Variants in DNM3 observed in about 807,000 individuals in gnomAD.
DNM3 encodes the protein dynamin-3.
DNM3 carries 47 observed loss-of-function variants against 101.6 expected under a neutral mutation model. That is an observed-to-expected ratio of 0.46 (90% confidence interval 0.37 to 0.59). DNM3 has a LOEUF of 0.59. DNM3 is among the 20% of genes least tolerant of loss of function. The pLI is 0.00. For missense variants in DNM3, 849 were observed against 1,085.7 expected, an observed-to-expected ratio of 0.78 and a Z score of 3.06; for synonymous variants, 385 against 387.9, an observed-to-expected ratio of 0.99 and a Z score of 0.09.
intron 12 of DNM3, among the ~76,000 whole-genome samples, chr1:172,090,380 C>T (rs578104938): frequency 6.6e-5 from 10 of 152,088 alleles, no homozygotes; most frequent in African/African-American, 9.7e-5. Context: ...CTACTCAAGA[C>T]GCTGTGTGCG....
intron 13 of DNM3, among the ~76,000 whole-genome samples, chr1:172,109,852 T>G (rs1178374758): frequency 6.6e-6 from 1 of 152,226 alleles, no homozygotes; most frequent in Admixed American, 6.5e-5. Context: ...AATTTTCAGT[T>G]AGCCATCATT....
At chr1:172,106,093 T>C (rs1013831421) in intron 13 of DNM3, among the ~76,000 whole-genome samples, 2 of 152,214 alleles carry the variant, frequency 1.3e-5, no homozygotes, top group Non-Finnish European at 2.9e-5. Context: ...TTTAGTCTTT[T>C]ACCATCAGTT....
chr1:171,877,184 C>T (rs904661838), intron 1 of DNM3, among the ~76,000 whole-genome samples: 2 of 152,080 alleles, frequency 1.3e-5, no homozygotes, highest in East Asian at 1.9e-4. Flanking sequence ...TAGCCATCCT[C>T]CCCTCCCTCA....
At chr1:172,376,906 T>A (rs929656640) in intron 17 of DNM3, among the ~76,000 whole-genome samples, 4 of 152,086 alleles carry the variant, frequency 2.6e-5, no homozygotes, top group African/African-American at 9.7e-5. Context: ...TCAGTGTCTT[T>A]TGCTTATTTT....
chr1:172,215,347 A>C (rs2060654677), intron 14 of DNM3, among the ~76,000 whole-genome samples: 1 of 152,106 alleles, frequency 6.6e-6, no homozygotes, highest in African/African-American at 2.4e-5. Context: ...TATAAGTAGT[A>C]TGTGCATATG....
intron 14 of DNM3, among the ~76,000 whole-genome samples, chr1:172,184,093 G>T (rs1355445220): frequency 6.6e-6 from 1 of 151,934 alleles, no homozygotes; most frequent in Non-Finnish European, 1.5e-5. Context: ...GTAGCGTGAG[G>T]ATCCCTATCC....
intron 14 of DNM3, among the ~76,000 whole-genome samples, chr1:172,238,904 G>T (rs2061641288): frequency 6.6e-6 from 1 of 151,952 alleles, no homozygotes; most frequent in African/African-American, 2.4e-5. Flanking sequence ...TAATGTGGAA[G>T]AACATTCTGC....
chr1:172,337,826 G>T (rs1187531449), intron 17 of DNM3, among the ~76,000 whole-genome samples: 1 of 149,062 alleles, frequency 6.7e-6, no homozygotes, highest in Non-Finnish European at 1.5e-5. Flanking sequence ...TGGGAATATG[G>T]CTTGGGAGTA....
chr1:172,020,920 T>G (rs1399706680), intron 4 of DNM3, among the ~76,000 whole-genome samples: 2 of 152,090 alleles, frequency 1.3e-5, no homozygotes, highest in Non-Finnish European at 2.9e-5. Flanking sequence ...GGATTACAGT[T>G]TAAGTTTTCC....
At chr1:171,863,615 A>C (rs1371591738) in intron 1 of DNM3, among the ~76,000 whole-genome samples, 1 of 152,150 alleles carries the variant, frequency 6.6e-6, no homozygotes, top group African/African-American at 2.4e-5. Flanking sequence ...CATGCTGTAG[A>C]GTTTCCTTCA....
intron 17 of DNM3, among the ~76,000 whole-genome samples, chr1:172,331,452 A>G (rs1252129098): frequency 6.6e-6 from 1 of 152,186 alleles, no homozygotes; most frequent in Non-Finnish European, 1.5e-5. Flanking sequence ...TAATGTTGAA[A>G]AAGCATGATG....
At chr1:172,181,375 T>TACACACAC (rs55756017) in intron 14 of DNM3, among the ~76,000 whole-genome samples, 6,598 of 147,634 alleles carry the variant, frequency 0.045, 200 homozygotes, top group East Asian at 0.1. Flanking sequence ...CACTTGAGTT[T>TACACACAC]ACACACACAC....
intron 17 of DNM3, among the ~76,000 whole-genome samples, chr1:172,334,462 A>G (rs1344446229): frequency 6.6e-6 from 1 of 152,200 alleles, no homozygotes; most frequent in African/African-American, 2.4e-5. Flanking sequence ...ACAAAGAATT[A>G]TCCCATCAAA....
Position 172,364,187 on chromosome 1 carries a change from T to C in DNM3, c.1894-14831T>C, listed in dbSNP as rs574918908. Among the ~76,000 whole-genome samples, 3 of 152,056 alleles carry C rather than the reference T, an allele frequency of 2.0e-5. No homozygotes were observed. The East Asian group carries it at 5.8e-4, about 30-fold the overall frequency. On this transcript the variant is annotated intron_variant, in intron 17 of 20. Transcript: ENST00000627582. ...AGTGCATGTCTCATCATATATTAAA[T>C]GTTTAATATATAGCCTGGGTTAGTT...
chr1:171,965,687 C>T (rs931914737), intron 2 of DNM3, among the ~76,000 whole-genome samples: 3 of 152,104 alleles, frequency 2.0e-5, no homozygotes, highest in African/African-American at 7.2e-5. Context: ...TGAGGCGTGT[C>T]CCCCTCCCAG....
chr1:172,386,805 A>T (rs1249816874), intron 18 of DNM3: 1 of 257,218 alleles, frequency 3.9e-6, no homozygotes, highest in Non-Finnish European at 7.6e-6. Context: ...CCTCTTCTAT[A>T]AGCCAAACAG....
chr1:172,219,713 T>C lies in DNM3; in HGVS notation c.1660-33860T>C, dbSNP rs531551428. Among the ~76,000 whole-genome samples, 124 of 152,128 alleles carry C rather than the reference T, an allele frequency of 8.2e-4. 1 individual carries two copies. Among genetic ancestry groups the C allele is most frequent in the Non-Finnish European group, 1.5e-3 (99 of 68,018 alleles). ...GGTGAAGATGTAGAAAAGTTCTTGA[T>C]GGAGAGCACTCTTCCATGCCCTCCT... On this transcript the variant is annotated intron_variant, in intron 14 of 20. Transcript: ENST00000627582.
chr1:172,165,986 A>C (rs894802844), intron 14 of DNM3, among the ~76,000 whole-genome samples: 1 of 151,984 alleles, frequency 6.6e-6, no homozygotes, highest in Non-Finnish European at 1.5e-5. Context: ...TTTCTTAAGG[A>C]AGCCTTTCTT....
chr1:171,997,054 G>T (rs916330509), intron 4 of DNM3, among the ~76,000 whole-genome samples: 4 of 151,710 alleles, frequency 2.6e-5, no homozygotes, highest in African/African-American at 9.7e-5. Flanking sequence ...ATAACACTTA[G>T]TCGAAATAGC....
Sources: gnomAD v4.1 joint callset for allele counts (sites outside exome capture counted in the v4.1 genomes callset) on GRCh38, gnomAD v4.1.1 for gene constraint, MANE v1.5 for transcripts, NCBI Gene and HGNC (gene_info 2026-07-23, HGNC 2026-07-21) for gene names.